The following FIGN variants were observed in gnomAD, a reference collection of about 807,000 sequenced individuals.
FIGN encodes fidgetin, microtubule severing factor.
A neutral mutation model predicts 51.3 loss-of-function variants in FIGN; 11 were observed. The observed-to-expected ratio is 0.21, with a 90% confidence interval of 0.13 to 0.35. The LOEUF (loss-of-function observed/expected upper bound fraction) is 0.35, where lower values mean the gene tolerates loss of function less well. Ranked by LOEUF, FIGN falls within the 10% of genes least tolerant of loss-of-function variation. The pLI, the probability that FIGN is intolerant of heterozygous loss-of-function variation, is 1.00. For missense variants in FIGN, 857 were observed against 943.6 expected, an observed-to-expected ratio of 0.91 and a Z score of 1.20; for synonymous variants, 407 against 363.2, an observed-to-expected ratio of 1.12 and a Z score of -1.37.
chr2:163,706,279 G>A (rs554025715), intron 2 of FIGN, among the ~76,000 whole-genome samples: 76 of 152,042 alleles, frequency 5.0e-4, no homozygotes, highest in African/African-American at 1.5e-3. Context: ...CTATTTTAGA[G>A]AACTATATTT....
chr2:163,628,953 C>T (rs1683099522), intron 2 of FIGN, among the ~76,000 whole-genome samples: 2 of 152,108 alleles, frequency 1.3e-5, no homozygotes, highest in Non-Finnish European at 1.5e-5. Flanking sequence ...CCCCAAATTG[C>T]TACAATTTGT....
chr2:163,727,621 T>A (rs192874199), intron 2 of FIGN, among the ~76,000 whole-genome samples: 2 of 152,124 alleles, frequency 1.3e-5, no homozygotes, highest in Non-Finnish European at 2.9e-5. Context: ...CTCAAAAATA[T>A]CTTTAAAGCC....
intron 2 of FIGN, among the ~76,000 whole-genome samples, chr2:163,639,716 C>G (rs1026175660): frequency 1.3e-5 from 2 of 152,052 alleles, no homozygotes; most frequent in Non-Finnish European, 2.9e-5. Flanking sequence ...ACAACAAAAT[C>G]TAAAAGGCAT....
chr2:163,636,986 T>C (rs1210479817), intron 2 of FIGN, among the ~76,000 whole-genome samples: 1 of 151,760 alleles, frequency 6.6e-6, no homozygotes, highest in Non-Finnish European at 1.5e-5. Context: ...GGCTGAGGCA[T>C]GAGAATTGCT....
intron 2 of FIGN, among the ~76,000 whole-genome samples, chr2:163,661,037 C>A (rs1014944094): frequency 6.9e-6 from 1 of 145,838 alleles, no homozygotes; most frequent in Non-Finnish European, 1.5e-5. Flanking sequence ...GCGCCCGCCA[C>A]CACGCCCAGC....
intron 2 of FIGN, among the ~76,000 whole-genome samples, chr2:163,730,014 C>T (rs1203099089): frequency 1.3e-5 from 2 of 152,222 alleles, no homozygotes; most frequent in African/African-American, 4.8e-5. Flanking sequence ...TCTGCCTCCT[C>T]AGTATCTTAG....
chr2:163,684,066 G>C (rs1285728578), intron 2 of FIGN, among the ~76,000 whole-genome samples: 1 of 152,054 alleles, frequency 6.6e-6, no homozygotes, highest in Non-Finnish European at 1.5e-5. Flanking sequence ...TGAGAAATGT[G>C]TGTTTTTAAG....
chr2:163,658,009 C>T (rs72867780), intron 2 of FIGN, among the ~76,000 whole-genome samples: 5,382 of 152,012 alleles, frequency 0.035, 145 homozygotes, highest in Non-Finnish European at 0.058. Context: ...GTAGAAACTA[C>T]TAAAGGAAAA....
At chr2:163,624,710 T>TATA (rs57025851) in intron 2 of FIGN, among the ~76,000 whole-genome samples, 1,718 of 117,650 alleles carry the variant, frequency 0.015, 23 homozygotes, top group Middle Eastern at 0.028. Context: ...ATATATATAT[T>TATA]TTTTTTTTTC....
rs780348332 is a variant in FIGN at position 163,610,249 on chromosome 2, C to A, written c.1583G>T (p.Arg528Leu). ...GCCCAATAATGTTTTGCCTGTCCCCCGAGGTCCAAATAAAAGGATGCTCCG... is the reference window on the plus strand; with the variant it reads ...GCCCAATAATGTTTTGCCTGTCCCCAGAGGTCCAAATAAAAGGATGCTCCG... ...LPRSILLFGP[R>L]GTGKTLLGRC... Residue 528 changes from arginine to leucine, a missense_variant, in exon 3 of 3, where the codon CGG becomes CTG. Physicochemically the swap from Arg to Leu is moderately radical, Grantham distance 102. Transcript: ENST00000333129. 6.2e-7 allele frequency: 1 copy of A among 1,614,104 alleles called. No individual in the cohort carries two copies.
intron 2 of FIGN, among the ~76,000 whole-genome samples, chr2:163,666,860 C>T (rs1390620221): frequency 6.6e-6 from 1 of 150,806 alleles, no homozygotes; most frequent in Non-Finnish European, 1.5e-5. Context: ...AGAAGATTTC[C>T]TGTAAATTTT....
rs116395023 is a variant in FIGN, at chr2:163,693,243, C to T, written c.25+41660G>A. ...AGAGTGGGATGTAGGTGTGTGTGTA[C>T]CTGTGGTGTGTGTGTGTATCTGTGT... On this transcript the variant is annotated intron_variant, in intron 2 of 2. Transcript: ENST00000333129. 1.5e-3 allele frequency among the ~76,000 whole-genome samples: 233 copies of T among 151,942 alleles called. 1 individual carries two copies. Among genetic ancestry groups the T allele is most frequent in the African/African-American group, 5.5e-3 (226 of 41,426 alleles).
At chr2:163,641,220 T>G (rs1683301269) in intron 2 of FIGN, among the ~76,000 whole-genome samples, 1 of 152,224 alleles carries the variant, frequency 6.6e-6, no homozygotes, top group Non-Finnish European at 1.5e-5. Flanking sequence ...GCTGTGGATT[T>G]CCCTCAAATT....
intron 2 of FIGN, among the ~76,000 whole-genome samples, chr2:163,707,897 T>C (rs1684526985): frequency 6.6e-6 from 1 of 152,166 alleles, no homozygotes; most frequent in Non-Finnish European, 1.5e-5. Context: ...AAATATACTA[T>C]TTCAGTCATT....
rs76479785 is a variant in FIGN at position 163,645,510 on chromosome 2, T to C, written c.26-33704A>G. ...AGATAGGGAGAAAAGAAACAGGTAT[T>C]ATGGCTTCTGGGGAAAATTCTGTGC... is the stretch of plus-strand genomic sequence containing the variant. On this transcript the variant is annotated intron_variant, in intron 2 of 2. Coordinates refer to ENST00000333129, the MANE Select transcript of FIGN (RefSeq NM_018086.4). Among the ~76,000 whole-genome samples the C allele has an allele frequency of 8.6e-3, 1,305 of 152,260 alleles. 23 individuals are homozygous for C. The highest frequency in any genetic ancestry group is 0.03 in the African/African-American group (1,244 of 41,546).
intron 2 of FIGN, among the ~76,000 whole-genome samples, chr2:163,677,138 GGCATGGCTCTGCCA>G (rs1683985672): frequency 6.6e-6 from 1 of 152,114 alleles, no homozygotes; most frequent in Non-Finnish European, 1.5e-5. Context: ...TTGCAGAATG[GGCATGGCTCTGCCA>G]GATTTTATCT....
intron 2 of FIGN, among the ~76,000 whole-genome samples, chr2:163,731,430 C>G (rs944150814): frequency 2.6e-5 from 4 of 152,018 alleles, no homozygotes; most frequent in Non-Finnish European, 5.9e-5. Flanking sequence ...ATATTATCAT[C>G]TAAAAGTAAT....
chr2:163,615,222 T>A (rs895862743), intron 2 of FIGN, among the ~76,000 whole-genome samples: 1 of 152,214 alleles, frequency 6.6e-6, no homozygotes, highest in Non-Finnish European at 1.5e-5. Context: ...CAAAATTGTA[T>A]TTTGTTTAAA....
At chr2:163,725,359 C>T (rs557413493) in intron 2 of FIGN, among the ~76,000 whole-genome samples, 2 of 151,784 alleles carry the variant, frequency 1.3e-5, no homozygotes, top group Non-Finnish European at 2.9e-5. Context: ...GGTGAGTATG[C>T]CAATAGCAAA....
Sources: gnomAD v4.1 joint callset for allele counts (sites outside exome capture counted in the v4.1 genomes callset) on GRCh38, gnomAD v4.1.1 for gene constraint, MANE v1.5 for transcripts, NCBI Gene and HGNC (gene_info 2026-07-23, HGNC 2026-07-21) for gene names.